SUV39H2: variants seen among roughly 807,000 people sequenced by gnomAD.
SUV39H2 encodes the protein histone-lysine N-methyltransferase SUV39H2.
SUV39H2 carries 10 observed loss-of-function variants against 47.5 expected under a neutral mutation model. The observed-to-expected ratio is 0.21, with a 90% CI of 0.13 to 0.36. SUV39H2 has a LOEUF of 0.36. SUV39H2 is among the 10% of genes least tolerant of loss of function. SUV39H2 has a pLI of 1.00. For missense variants in SUV39H2, 266 were observed against 487.4 expected (o/e 0.55, Z 4.28); for synonymous variants, 159 against 166.8 (o/e 0.95, Z 0.36).
intron 2 of SUV39H2, among the ~76,000 whole-genome samples, chr10:14,882,090 A>G (rs1038444798): frequency 6.6e-6 from 1 of 152,240 alleles, no homozygotes; most frequent in Non-Finnish European, 1.5e-5. Context: ...AGGTTATAAT[A>G]GAATGGCCTG....
At chr10:14,886,088 G>A (rs1246260362) in intron 2 of SUV39H2, among the ~76,000 whole-genome samples, 1 of 152,166 alleles carries the variant, frequency 6.6e-6, no homozygotes, top group East Asian at 1.9e-4. Context: ...ATTTCATTTA[G>A]CTAAGATGTA....
chr10:14,899,950 T>A (rs1256351839), intron 4 of SUV39H2, among the ~76,000 whole-genome samples: 1 of 152,210 alleles, frequency 6.6e-6, no homozygotes, highest in Non-Finnish European at 1.5e-5. Flanking sequence ...CTAGTAACTT[T>A]GTACGGTAGG....
intron 2 of SUV39H2, among the ~76,000 whole-genome samples, chr10:14,895,188 T>A (rs1429104859): frequency 3.3e-5 from 5 of 151,902 alleles, no homozygotes; most frequent in South Asian, 2.1e-4. Context: ...TTATTTTTTT[T>A]TTTTTTGACA....
chr10:14,900,619 G>C (rs1319965872), intron 4 of SUV39H2, among the ~76,000 whole-genome samples: 1 of 152,022 alleles, frequency 6.6e-6, no homozygotes, highest in African/African-American at 2.4e-5. Flanking sequence ...CTTTTTTCTT[G>C]CATATTCCGT....
chr10:14,901,747 C>T (rs952839183), intron 5 of SUV39H2, among the ~76,000 whole-genome samples: 4 of 151,734 alleles, frequency 2.6e-5, no homozygotes, highest in African/African-American at 9.7e-5. Context: ...GGGAGGATGG[C>T]TTGAGACAGG....
At chr10:14,879,029 C>T in intron 1 of SUV39H2, 110 bp downstream of exon 1, 1 of 1,317,942 alleles carries the variant, frequency 7.6e-7, no homozygotes, top group South Asian at 2.2e-5. Flanking sequence ...GGCGGTTCCC[C>T]GCCCGCCGCG....
In SUV39H2 at chr10:14,878,929, G is replaced by C. The variant is rs1165797485; in HGVS notation, c.31+10G>C. On this transcript the variant is annotated intron_variant, in intron 1 of 5. Coordinates refer to ENST00000354919, the MANE Select transcript of SUV39H2 (RefSeq NM_001193424.2). ...GCCGAGGCGCGAGGAGGTGAGGCTG[G>C]AGCGCGGCCCCCTCGCCTTCCCTGT... is the stretch of plus-strand genomic sequence containing the variant. 1.4e-6 allele frequency: 2 copies of C among 1,467,922 alleles called. No individual in the cohort carries two copies. Among genetic ancestry groups the C allele is most frequent in the Admixed American group, 2.5e-5 (1 of 39,678 alleles). 90.9% of individuals were successfully genotyped at this position (1,467,922 alleles called of 1,614,324 possible). A position where few individuals can be genotyped will look rare whatever the true frequency, so the allele number is the denominator to read the frequency against.
At chr10:14,887,362 G>A (rs1407310252) in intron 2 of SUV39H2, among the ~76,000 whole-genome samples, 1 of 152,198 alleles carries the variant, frequency 6.6e-6, no homozygotes, top group Non-Finnish European at 1.5e-5. Flanking sequence ...TTGGGCAGTG[G>A]TGTAGACAGT....
At chr10:14,884,081 G>A (rs1431363715) in intron 2 of SUV39H2, among the ~76,000 whole-genome samples, 7 of 152,052 alleles carry the variant, frequency 4.6e-5, no homozygotes, top group Non-Finnish European at 1.0e-4. Context: ...TCATCACTTC[G>A]TGGCCATTTG....
intron 3 of SUV39H2, 99 bp downstream of exon 3, chr10:14,897,616 G>C: frequency 1.9e-6 from 2 of 1,032,118 alleles, no homozygotes; most frequent in Non-Finnish European, 2.6e-6. Context: ...GGTACATTTT[G>C]ATATTTTCAT....
rs751215536 is a variant in SUV39H2, at chr10:14,902,878, C to T, written c.*366C>T. On this transcript the variant is annotated 3_prime_UTR_variant, in exon 6 of 6. Transcript: ENST00000354919. ...CTGAGAGATCAAAGATTCAACTTGC[C>T]ATACACCTCAAATTCGGAGAAACAG... is the stretch of plus-strand genomic sequence containing the variant. 3.8e-5 allele frequency: 6 copies of T among 155,898 alleles called. No homozygotes were observed. The highest frequency in any genetic ancestry group is 7.1e-5 in the Non-Finnish European group (5 of 70,356). The allele number at this position is 155,898 out of a possible 1,614,324, so 9.7% of individuals were successfully genotyped here.
At chr10:14,883,156 T>C (rs1477614295) in intron 2 of SUV39H2, among the ~76,000 whole-genome samples, 1 of 151,994 alleles carries the variant, frequency 6.6e-6, no homozygotes, top group East Asian at 1.9e-4. Flanking sequence ...CGTGAGCCAC[T>C]GCACCCCGCC....
chr10:14,896,491 C>T (rs909576620), intron 2 of SUV39H2, among the ~76,000 whole-genome samples: 2 of 152,130 alleles, frequency 1.3e-5, no homozygotes, highest in African/African-American at 4.8e-5. Flanking sequence ...AAAGAGTTAG[C>T]TTTGGGACCA....
chr10:14,900,605 A>G (rs1447769286), intron 4 of SUV39H2, among the ~76,000 whole-genome samples: 1 of 152,188 alleles, frequency 6.6e-6, no homozygotes, highest in Non-Finnish European at 1.5e-5. Context: ...ATGACTCACT[A>G]CATCTTTTTT....
At chr10:14,882,665 T>G (rs1488456809) in intron 2 of SUV39H2, among the ~76,000 whole-genome samples, 4 of 152,230 alleles carry the variant, frequency 2.6e-5, no homozygotes, top group Non-Finnish European at 5.9e-5. Context: ...GTCAGCAGGT[T>G]TTCCAACTTG....
At chr10:14,892,966 C>T (rs1424374654) in intron 2 of SUV39H2, among the ~76,000 whole-genome samples, 1 of 150,678 alleles carries the variant, frequency 6.6e-6, no homozygotes, top group African/African-American at 2.4e-5. Flanking sequence ...ATTACAGGTG[C>T]CTGCCCACCA....
At chr10:14,888,791 A>C (rs1379383135) in intron 2 of SUV39H2, among the ~76,000 whole-genome samples, 1 of 151,868 alleles carries the variant, frequency 6.6e-6, no homozygotes, top group African/African-American at 2.4e-5. Flanking sequence ...ACCTCTGAGA[A>C]GAGCCAAAGG....
chr10:14,899,825 TGTTAA>T (rs1564345379), intron 4 of SUV39H2, 140 bp downstream of exon 4: 1 of 1,018,022 alleles, frequency 9.8e-7, no homozygotes, highest in Non-Finnish European at 1.4e-6. Context: ...GGGCAGCTTC[TGTTAA>T]GTTATGGTAT....
intron 5 of SUV39H2, among the ~76,000 whole-genome samples, chr10:14,902,145 T>C (rs936433760): frequency 1.3e-5 from 2 of 152,234 alleles, no homozygotes; most frequent in African/African-American, 4.8e-5. Flanking sequence ...TATGGGCTAA[T>C]AACATAAAGT....
Sources: allele counts gnomAD v4.1 joint callset (sites outside exome capture counted in the v4.1 genomes callset), GRCh38; gene constraint gnomAD v4.1.1; transcripts MANE v1.5; gene names NCBI Gene and HGNC (gene_info 2026-07-23, HGNC 2026-07-21).